The following ELP4 variants were observed in gnomAD, a reference collection of about 807,000 sequenced individuals.
ELP4 encodes elongator acetyltransferase complex subunit 4.
A neutral mutation model predicts 48.9 loss-of-function variants in ELP4; 51 were observed. The observed-to-expected ratio is 1.04, with a 90% confidence interval of 0.83 to 1.32. The LOEUF (loss-of-function observed/expected upper bound fraction) is 1.32. Ranked by LOEUF, ELP4 falls within the 40% of genes most tolerant of loss-of-function variation. The pLI is 0.00. For missense variants in ELP4, 519 were observed against 514.6 expected, an observed-to-expected ratio of 1.01 and a Z score of -0.08; for synonymous variants, 210 against 189.2, an observed-to-expected ratio of 1.11 and a Z score of -0.90.
chr11:31,528,951 G>C (rs1956345128), intron 2 of ELP4, among the ~76,000 whole-genome samples: 1 of 151,904 alleles, frequency 6.6e-6, no homozygotes, highest in African/African-American at 2.4e-5. Context: ...ATGGCAGATT[G>C]CCCAGGTTTA....
At chr11:31,729,674 T>C (rs1235066632) in intron 9 of ELP4, among the ~76,000 whole-genome samples, 1 of 152,226 alleles carries the variant, frequency 6.6e-6, no homozygotes, top group South Asian at 2.1e-4. Flanking sequence ...CTCCAAAAAC[T>C]GATTGCCATC....
chr11:31,719,883 T>C, intron 9 of ELP4: 1 of 166,494 alleles, frequency 6.0e-6, no homozygotes, highest in African/African-American at 2.4e-5. Context: ...CGGTTACTTG[T>C]ACAACCTAAG....
At chr11:31,584,445 A>C (rs1460692398) in intron 3 of ELP4, among the ~76,000 whole-genome samples, 1 of 152,130 alleles carries the variant, frequency 6.6e-6, no homozygotes, top group Non-Finnish European at 1.5e-5. Context: ...TTATATATAA[A>C]GGCAGGAAAA....
intron 9 of ELP4, among the ~76,000 whole-genome samples, chr11:31,710,499 C>A (rs1189270044): frequency 1.3e-5 from 2 of 152,048 alleles, no homozygotes; most frequent in Non-Finnish European, 2.9e-5. Flanking sequence ...GTGGCACATG[C>A]CTGTAGTCCC....
At chr11:31,774,250 C>G (rs1948202076) in intron 9 of ELP4, among the ~76,000 whole-genome samples, 1 of 152,226 alleles carries the variant, frequency 6.6e-6, no homozygotes, top group African/African-American at 2.4e-5. Flanking sequence ...CAGTAGCTGC[C>G]TTGAAGCCAT....
At chr11:31,718,759 G>A (rs1159700068) in intron 9 of ELP4, among the ~76,000 whole-genome samples, 1 of 152,224 alleles carries the variant, frequency 6.6e-6, no homozygotes, top group Non-Finnish European at 1.5e-5. Flanking sequence ...CCAAAAGCTA[G>A]TGTCATAGTA....
chr11:31,738,800 C>T (rs1361180780), intron 9 of ELP4, among the ~76,000 whole-genome samples: 1 of 151,694 alleles, frequency 6.6e-6, no homozygotes, highest in Non-Finnish European at 1.5e-5. Flanking sequence ...GGACATTATG[C>T]TAAATAAAAT....
chr11:31,789,596 T>A lies in ELP4; in HGVS notation c.*6072T>A. The A allele has an allele frequency of 1.7e-6, 1 of 603,290 alleles. No homozygotes were observed. 37.4% of individuals were successfully genotyped at this position (603,290 alleles called of 1,614,324 possible). A position where few individuals can be genotyped will look rare whatever the true frequency, so the allele number is the denominator to read the frequency against. The stretch of plus-strand genomic sequence containing the variant: ...TCTTTTTAAAAAAAAAAAAAACAAC[T>A]TCATGACCAACACAGATCAAACATC... On this transcript the variant is annotated 3_prime_UTR_variant, in exon 10 of 10. Coordinates refer to ENST00000640961, the MANE Select transcript of ELP4 (RefSeq NM_019040.5).
intron 3 of ELP4, among the ~76,000 whole-genome samples, chr11:31,579,587 A>G (rs1957349458): frequency 6.6e-6 from 1 of 152,144 alleles, no homozygotes; most frequent in Non-Finnish European, 1.5e-5. Context: ...CATATACACT[A>G]TGGAATACTA....
At position 31,789,589 on chromosome 11, in the gene ELP4, A is replaced by C; in HGVS notation, c.*6065A>C. 3.3e-6 allele frequency: 2 copies of C among 606,812 alleles called. No individual in the cohort carries two copies. The highest frequency in any genetic ancestry group is 2.0e-5 in the South Asian group (1 of 49,028). 37.6% of individuals were successfully genotyped at this position (606,812 alleles called of 1,614,324 possible). A position where few individuals can be genotyped will look rare whatever the true frequency, so the allele number is the denominator to read the frequency against. ...ATGGTTTTCTTTTTAAAAAAAAAAAAAACAACTTCATGACCAACACAGATC... is the reference window on the plus strand; with the variant it reads ...ATGGTTTTCTTTTTAAAAAAAAAAACAACAACTTCATGACCAACACAGATC... On this transcript the variant is annotated 3_prime_UTR_variant, in exon 10 of 10. Transcript: ENST00000640961.
At chr11:31,579,635 G>A (rs1417461853) in intron 3 of ELP4, among the ~76,000 whole-genome samples, 1 of 152,050 alleles carries the variant, frequency 6.6e-6, no homozygotes, top group African/African-American at 2.4e-5. Context: ...GTCCTTTATA[G>A]GGACATGGAT....
chr11:31,689,613 A>T (rs762113673), intron 9 of ELP4, among the ~76,000 whole-genome samples: 3 of 151,872 alleles, frequency 2.0e-5, no homozygotes, highest in East Asian at 1.9e-4. Context: ...CACCTGCCCA[A>T]CTCCTTGCTT....
chr11:31,669,967 T>G (rs1236645230), intron 9 of ELP4, among the ~76,000 whole-genome samples: 4 of 152,180 alleles, frequency 2.6e-5, no homozygotes, highest in East Asian at 1.9e-4. Context: ...AACATCTAAC[T>G]CAGTCTTTCC....
chr11:31,572,369 T>C (rs1469207148), intron 3 of ELP4, among the ~76,000 whole-genome samples: 1 of 152,220 alleles, frequency 6.6e-6, no homozygotes, highest in Non-Finnish European at 1.5e-5. Context: ...TCAAATGTAA[T>C]TAGACCCTTT....
At chr11:31,686,388 A>T (rs986973636) in intron 9 of ELP4, among the ~76,000 whole-genome samples, 14 of 150,016 alleles carry the variant, frequency 9.3e-5, no homozygotes, top group African/African-American at 3.4e-4. Context: ...AAGTACAAAC[A>T]TATTCACTAT....
intron 9 of ELP4, among the ~76,000 whole-genome samples, chr11:31,682,954 A>G (rs1366980515): frequency 6.6e-6 from 1 of 152,136 alleles, no homozygotes; most frequent in African/African-American, 2.4e-5. Context: ...CAGAAAGTCT[A>G]TATTCTATGC....
chr11:31,687,332 T>G (rs545276351), intron 9 of ELP4, among the ~76,000 whole-genome samples: 1 of 152,268 alleles, frequency 6.6e-6, no homozygotes, highest in East Asian at 1.9e-4. Context: ...ATGTTTAGAT[T>G]CAGAAGAGAA....
At chr11:31,524,781 G>C (rs1038513374) in intron 2 of ELP4, among the ~76,000 whole-genome samples, 1 of 152,030 alleles carries the variant, frequency 6.6e-6, no homozygotes, top group African/African-American at 2.4e-5. Flanking sequence ...TAAATTCTGA[G>C]CTAACCAGCC....
intron 5 of ELP4, among the ~76,000 whole-genome samples, chr11:31,606,928 C>CCCAGAATTCATATGTTGAAG (rs1236700257): frequency 2.6e-5 from 4 of 152,138 alleles, no homozygotes; most frequent in Admixed American, 2.6e-4. Context: ...GAAGCCCTAA[C>CCCAGAATTCATATGTTGAAG]CCCTAATGGG....
Sources: gnomAD v4.1 joint callset for allele counts (sites outside exome capture counted in the v4.1 genomes callset) on GRCh38, gnomAD v4.1.1 for gene constraint, MANE v1.5 for transcripts, NCBI Gene and HGNC (gene_info 2026-07-23, HGNC 2026-07-21) for gene names.